Variants in MX2 observed in about 807,000 individuals in gnomAD.
MX2 encodes the protein interferon-induced GTP-binding protein Mx2.
In MX2, 51 loss-of-function variants were observed where a neutral mutation model predicts 74.0. The observed-to-expected ratio is 0.69, with a 90% CI of 0.55 to 0.87. The LOEUF (loss-of-function observed/expected upper bound fraction) is 0.87, where lower values mean the gene tolerates loss of function less well. Among genes scored for constraint, MX2 ranks in the 40% least tolerant of loss-of-function variants. The pLI is 0.00. For synonymous variants in MX2, 369 were observed against 339.3 expected, an observed-to-expected ratio of 1.09 and a Z score of -0.96; for missense variants, 832 against 908.7, an observed-to-expected ratio of 0.92 and a Z score of 1.09.
Position 41,406,927 on chromosome 21 carries a change from C to T in MX2, c.1834C>T (p.His612Tyr), listed in dbSNP as rs144653613. 2.7e-4 allele frequency: 434 copies of T among 1,614,184 alleles called. 3 individuals carry two copies. In the East Asian group the frequency reaches 4.6e-3, roughly 17 times the overall value. ...TTCACAGAATATGAAGTTGAACTCT[C>T]ATTTTCCCAGTAATGAGTCTTCGGT... Reference protein sequence around the residue: ...TPSQNMKLNSHFPSNESSVSS... With the variant: ...TPSQNMKLNSYFPSNESSVSS... The change falls in exon 13 of 14, where the codon CAT becomes TAT. Residue 612 changes from histidine to tyrosine, a missense_variant. Coordinates refer to ENST00000330714, the MANE Select transcript of MX2 (RefSeq NM_002463.2).
At position 41,395,735 on chromosome 21, in the gene MX2, A is replaced by C. The variant is rs1349497926; in HGVS notation, c.1020A>C (p.Ala340=). ...QQEITNRLSL[A]EATKKEITFF... is the part of the protein sequence containing the mutation. ...AGATCACAAACAGGCTGAGCTTGGC[A>C]GAGGCAACCAAGAAAGAAATTACAT... is the stretch of plus-strand genomic sequence containing the variant. The change falls in exon 7 of 14, where the codon GCA becomes GCC. Residue 340 remains alanine, a synonymous_variant. Coordinates refer to ENST00000330714, the MANE Select transcript of MX2 (RefSeq NM_002463.2). The C allele has an allele frequency of 6.2e-7, 1 of 1,614,104 alleles. No homozygotes were observed.
In MX2 at chr21:41,401,983, CCACGAAGA is replaced by C; in HGVS notation, c.1429_1436del (p.His477SerfsTer2). 1 of 1,613,118 alleles carries C rather than the reference CCACGAAGA, an allele frequency of 6.2e-7. No homozygotes were observed. The highest frequency in any genetic ancestry group is 8.5e-7 in the Non-Finnish European group (1 of 1,179,658). On this transcript the variant is annotated frameshift_variant, in exon 11 of 14. Transcript: ENST00000330714. LOFTEE classifies it high-confidence loss of function. ...TTGATGTTGCAGTTAAAAATATTATCCACGAAGAAGTTGAAAAATATGAAAAGCAGTAT... is the reference window on the plus strand; with the variant it reads ...TTGATGTTGCAGTTAAAAATATTATCAGTTGAAAAATATGAAAAGCAGTAT...
At chr21:41,381,867 T>A (rs1262396395) in intron 4 of MX2, among the ~76,000 whole-genome samples, 1 of 152,148 alleles carries the variant, frequency 6.6e-6, no homozygotes, top group African/African-American at 2.4e-5. Context: ...CCTTACCTTG[T>A]GGACTTCTCC....
rs57350601 is a variant in MX2 at position 41,381,684 on chromosome 21, C to CAA, written c.578-704_578-703dup. 5.1e-3 allele frequency among the ~76,000 whole-genome samples: 292 copies of CAA among 57,274 alleles called. 4 individuals are homozygous for CAA. The highest frequency in any genetic ancestry group is 0.032 in the Middle Eastern group (4 of 124). 37.6% of individuals were successfully genotyped at this position (57,274 alleles called of 152,430 possible). A position where few individuals can be genotyped will look rare whatever the true frequency, so the allele number is the denominator to read the frequency against. On this transcript the variant is annotated intron_variant, in intron 4 of 13. Transcript: ENST00000330714. Reference sequence around the variant, plus strand: ...TGGGCGACAGAGCGAGACTCTGTCTCAAAAAAAAAAAAAAAAAAAAAAAGA... The same window carrying CAA: ...TGGGCGACAGAGCGAGACTCTGTCTCAAAAAAAAAAAAAAAAAAAAAAAAAGA...
At chr21:41,392,972 G>A (rs2089680361) in intron 6 of MX2, among the ~76,000 whole-genome samples, 1 of 151,888 alleles carries the variant, frequency 6.6e-6, no homozygotes, top group Non-Finnish European at 1.5e-5. Context: ...CGGGTGTGGT[G>A]GCACAGGCCT....
chr21:41,393,066 T>C (rs1183463374), intron 6 of MX2, among the ~76,000 whole-genome samples: 1 of 127,156 alleles, frequency 7.9e-6, no homozygotes, highest in Non-Finnish European at 1.5e-5. Context: ...ATTGCACCAC[T>C]GCACTCCAGC....
Position 41,406,773 on chromosome 21 carries a change from C to T in MX2, c.1680C>T (p.His560=). 1.2e-6 allele frequency: 2 copies of T among 1,614,174 alleles called. No homozygotes were observed. The highest frequency in any genetic ancestry group is 1.1e-5 in the South Asian group (1 of 91,072). The part of the protein sequence containing the change: ...QSTIEDIKVK[H]TAKAENMIQL... ...CGATTGAAGACATAAAAGTGAAACA[C>T]ACAGCAAAGGCAGAAAACATGATCC... is the stretch of plus-strand genomic sequence containing the variant. The change falls in exon 13 of 14, where the codon CAC becomes CAT. Residue 560 remains histidine (H), a synonymous_variant. Transcript: ENST00000330714.
Position 41,385,920 on chromosome 21 carries a change from T to C in MX2, c.732+3356T>C, listed in dbSNP as rs2089566056. Among the ~76,000 whole-genome samples, 4 of 151,342 alleles carry C rather than the reference T, an allele frequency of 2.6e-5. No homozygotes were observed. In the South Asian group the frequency reaches 8.3e-4, roughly 31 times the overall value. On this transcript the variant is annotated intron_variant, in intron 5 of 13. Transcript: ENST00000330714. ...AATTACCAGACACAGAGGCAGAAAGTGAATATATGCTGTTGCGAAAAGTGG... is the reference window on the plus strand; with the variant it reads ...AATTACCAGACACAGAGGCAGAAAGCGAATATATGCTGTTGCGAAAAGTGG...
intron 1 of MX2, among the ~76,000 whole-genome samples, chr21:41,375,297 C>G (rs955992551): frequency 6.6e-6 from 1 of 152,248 alleles, no homozygotes; most frequent in Admixed American, 6.5e-5. Context: ...ACTTGATCAC[C>G]ACAATAACCA....
At chr21:41,394,480 G>C (rs113290831) in intron 6 of MX2, among the ~76,000 whole-genome samples, 182 of 152,196 alleles carry the variant, frequency 1.2e-3, no homozygotes, top group African/African-American at 4.1e-3. Context: ...CGCTGCCCAC[G>C]GTCATTTGCC....
intron 6 of MX2, among the ~76,000 whole-genome samples, chr21:41,392,498 C>T (rs2089673578): frequency 6.6e-6 from 1 of 152,000 alleles, no homozygotes; most frequent in Admixed American, 6.6e-5. Context: ...GGTGGTTGCC[C>T]AAGACTGGAG....
chr21:41,406,018 T>G (rs2145977174), intron 12 of MX2, among the ~76,000 whole-genome samples: 1 of 150,740 alleles, frequency 6.6e-6, no homozygotes, highest in East Asian at 1.9e-4. Flanking sequence ...TGAGACGGAG[T>G]TTCGCTCTTG....
chr21:41,406,784 C>G lies in MX2; in HGVS notation c.1691C>G (p.Ala564Gly). The G allele has an allele frequency of 6.2e-7, 1 of 1,614,212 alleles. No individual in the cohort carries two copies. Among genetic ancestry groups the G allele is most frequent in the Middle Eastern group, 1.6e-4 (1 of 6,062 alleles). The change falls in exon 13 of 14, where the codon GCA (alanine) becomes GGA (glycine). Residue 564 changes from alanine (A) to glycine (G), a missense_variant. Transcript: ENST00000330714. ...ATAAAAGTGAAACACACAGCAAAGG[C>G]AGAAAACATGATCCAACTTCAGTTC... ...EDIKVKHTAK[A>G]ENMIQLQFRM...
At chr21:41,389,620 C>T (rs1406325563) in intron 5 of MX2, 3 of 152,156 alleles carry the variant, frequency 2.0e-5, no homozygotes, top group East Asian at 1.9e-4. Flanking sequence ...TTCTCCTGGC[C>T]GAGGCTTCAT....
At chr21:41,406,718 T>G (rs1257122301) in intron 12 of MX2, 26 bp from the exon 13 acceptor site, 1 of 1,598,154 alleles carries the variant, frequency 6.3e-7, no homozygotes, top group South Asian at 1.1e-5. Context: ...AAAGAAGTAA[T>G]GTGTTTGTCT....
chr21:41,365,158 G>A (rs1437178984), intron 1 of MX2: 5 of 152,210 alleles, frequency 3.3e-5, no homozygotes, highest in Non-Finnish European at 7.3e-5. Context: ...TTCCAGTAGG[G>A]TGGGCCCTAA....
chr21:41,404,064 T>C (rs1041386110), intron 12 of MX2: 1 of 185,562 alleles, frequency 5.4e-6, no homozygotes, highest in Non-Finnish European at 1.1e-5. Flanking sequence ...AAGATGTCCA[T>C]TGTCCTTCCC....
chr21:41,407,868 G>A (rs2089907297), intron 13 of MX2, 123 bp from the exon 14 acceptor site: 3 of 1,292,606 alleles, frequency 2.3e-6, no homozygotes, highest in Non-Finnish European at 3.2e-6. Context: ...GTGGAGGTGG[G>A]CGAGACCACC....
intron 3 of MX2, 69 bp downstream of exon 3, chr21:41,378,050 G>C: frequency 6.5e-7 from 1 of 1,527,578 alleles, no homozygotes; most frequent in Non-Finnish European, 8.9e-7. Context: ...GCTTCCCCAG[G>C]CACCAAGAGG....
Sources: allele counts gnomAD v4.1 joint callset (sites outside exome capture counted in the v4.1 genomes callset), GRCh38; gene constraint gnomAD v4.1.1; transcripts MANE v1.5; gene names NCBI Gene and HGNC (gene_info 2026-07-23, HGNC 2026-07-21).